LPP: variants seen among roughly 807,000 people sequenced by gnomAD.
LPP encodes lipoma-preferred partner.
Under a neutral mutation model 60.4 loss-of-function variants are expected in LPP, and 38 were observed. The observed-to-expected ratio is 0.63, with a 90% confidence interval of 0.49 to 0.83. The LOEUF is 0.83. Ranked by LOEUF, LPP falls within the 40% of genes least tolerant of loss-of-function variation. The pLI is 0.00. For synonymous variants in LPP, 328 were observed against 290.8 expected (o/e 1.13, Z -1.30); for missense variants, 902 against 783.6 (o/e 1.15, Z -1.80).
At chr3:188,261,274 A>G (rs1325679125) in intron 2 of LPP, among the ~76,000 whole-genome samples, 3 of 152,062 alleles carry the variant, frequency 2.0e-5, no homozygotes, top group Non-Finnish European at 4.4e-5. Context: ...TCAGCCTTCT[A>G]AGTAGCTGGG....
intron 7 of LPP, among the ~76,000 whole-genome samples, chr3:188,670,441 GTC>G (rs1020873586): frequency 1.1e-4 from 16 of 151,032 alleles, no homozygotes; most frequent in African/African-American, 3.7e-4. Context: ...AAGAACCCAG[GTC>G]TCTCTCTTTT....
Position 188,605,714 on chromosome 3 carries a change from T to C in LPP, c.430-3447T>C, listed in dbSNP as rs1842259132. Among the ~76,000 whole-genome samples, 5 of 152,272 alleles carry C rather than the reference T, an allele frequency of 3.3e-5. No individual in the cohort carries two copies. In the South Asian group the frequency reaches 1.0e-3, roughly 32 times the overall value. On this transcript the variant is annotated intron_variant, in intron 6 of 11. Coordinates refer to ENST00000617246, the MANE Select transcript of LPP (RefSeq NM_001375462.1). Reference sequence around the variant, plus strand: ...CTATTGAGCAATATATTGGGTATTGTCATTAGTAACAATTTCACAGAAAGA... The same window carrying C: ...CTATTGAGCAATATATTGGGTATTGCCATTAGTAACAATTTCACAGAAAGA...
At chr3:188,758,016 T>C (rs1412046089) in intron 8 of LPP, among the ~76,000 whole-genome samples, 2 of 151,896 alleles carry the variant, frequency 1.3e-5, no homozygotes, top group Non-Finnish European at 2.9e-5. Flanking sequence ...CAGTCTTGGA[T>C]AAAAACTTTT....
chr3:188,567,391 T>C lies in LPP; in HGVS notation c.430-41770T>C, dbSNP rs143889740. Among the ~76,000 whole-genome samples the C allele has an allele frequency of 2.5e-4, 38 of 152,092 alleles. No individual in the cohort carries two copies. In the East Asian group the frequency reaches 7.4e-3, roughly 30 times the overall value. On this transcript the variant is annotated intron_variant, in intron 6 of 11. Coordinates refer to ENST00000617246, the MANE Select transcript of LPP (RefSeq NM_001375462.1). Reference sequence around the variant, plus strand: ...CCTATAAAATATCTTTCTCACAGTTTAATTTCTTGAAAATTGAAACACATC... The same window carrying C: ...CCTATAAAATATCTTTCTCACAGTTCAATTTCTTGAAAATTGAAACACATC...
At chr3:188,237,354 CTGATATTTTGACCTTCTCTTA>C (rs1339924006) in intron 2 of LPP, among the ~76,000 whole-genome samples, 1 of 152,180 alleles carries the variant, frequency 6.6e-6, no homozygotes, top group African/African-American at 2.4e-5. Flanking sequence ...CCTGTTAATG[CTGATATTTTGACCTTCTCTTA>C]TGAATCACAA....
At chr3:188,698,664 G>T (rs1234024498) in intron 7 of LPP, among the ~76,000 whole-genome samples, 1 of 152,162 alleles carries the variant, frequency 6.6e-6, no homozygotes, top group Non-Finnish European at 1.5e-5. Flanking sequence ...TGCCTACCCG[G>T]CAGGATAACA....
At chr3:188,299,756 CA>C (rs1749132869) in intron 2 of LPP, among the ~76,000 whole-genome samples, 1 of 152,076 alleles carries the variant, frequency 6.6e-6, no homozygotes, top group Admixed American at 6.6e-5. Flanking sequence ...CAAACTAAGA[CA>C]AAACTCCTTT....
intron 3 of LPP, among the ~76,000 whole-genome samples, chr3:188,385,141 A>T (rs1018646521): frequency 1.3e-5 from 2 of 151,936 alleles, no homozygotes; most frequent in Non-Finnish European, 2.9e-5. Context: ...GTTTCTTTCT[A>T]TCTGTCCACC....
chr3:188,407,572 C>G (rs1349580659), intron 4 of LPP, among the ~76,000 whole-genome samples: 3 of 152,146 alleles, frequency 2.0e-5, no homozygotes, highest in African/African-American at 7.2e-5. Flanking sequence ...TGGTGCTGTA[C>G]TAATCTCTGT....
chr3:188,719,971 G>A (rs1003160112), intron 8 of LPP, among the ~76,000 whole-genome samples: 2 of 152,174 alleles, frequency 1.3e-5, no homozygotes, highest in Admixed American at 1.3e-4. Context: ...GGAATGCAGT[G>A]GCGTGATCTT....
intron 1 of LPP, among the ~76,000 whole-genome samples, chr3:188,174,961 T>G (rs1235122219): frequency 2.6e-5 from 4 of 152,204 alleles, no homozygotes; most frequent in Admixed American, 2.6e-4. Flanking sequence ...ATTTTGGGCT[T>G]TTACTTCTTT....
intron 9 of LPP, among the ~76,000 whole-genome samples, chr3:188,761,492 G>A (rs559513130): frequency 6.6e-6 from 1 of 152,268 alleles, no homozygotes; most frequent in South Asian, 2.1e-4. Flanking sequence ...AACACATGTA[G>A]AGCCATACAG....
intron 2 of LPP, among the ~76,000 whole-genome samples, chr3:188,318,753 C>CTTTTTTTTTTTTT (rs10708836): frequency 7.2e-5 from 7 of 96,838 alleles, no homozygotes; most frequent in African/African-American, 2.4e-4. Flanking sequence ...AATTATGATT[C>CTTTTTTTTTTTTT]TTTTTTTTTT....
At chr3:188,761,823 T>C (rs1462008004) in intron 9 of LPP, among the ~76,000 whole-genome samples, 1 of 152,212 alleles carries the variant, frequency 6.6e-6, no homozygotes, top group Non-Finnish European at 1.5e-5. Context: ...TTGAAATCTT[T>C]ATTGAAAAAA....
chr3:188,496,300 AT>A (rs371118699), intron 5 of LPP, among the ~76,000 whole-genome samples: 1 of 151,234 alleles, frequency 6.6e-6, no homozygotes, highest in South Asian at 2.1e-4. Context: ...TAATTTTTGT[AT>A]TTTTTTTAGT....
intron 7 of LPP, among the ~76,000 whole-genome samples, chr3:188,666,633 G>A (rs1855856873): frequency 6.6e-6 from 1 of 152,188 alleles, no homozygotes; most frequent in Non-Finnish European, 1.5e-5. Flanking sequence ...GAAGGAAAGA[G>A]AAATGCTTGC....
At chr3:188,162,101 T>A (rs1239593344) in intron 1 of LPP, among the ~76,000 whole-genome samples, 1 of 152,236 alleles carries the variant, frequency 6.6e-6, no homozygotes, top group Non-Finnish European at 1.5e-5. Context: ...TCTTCCCTAT[T>A]GAACCTGCCC....
intron 7 of LPP, among the ~76,000 whole-genome samples, chr3:188,624,672 C>CCCCT (rs1341263432): frequency 6.7e-5 from 10 of 150,310 alleles, no homozygotes; most frequent in Admixed American, 6.0e-4. Context: ...ATCCTTCCTT[C>CCCCT]CCCTCCCTCC....
intron 7 of LPP, among the ~76,000 whole-genome samples, chr3:188,626,359 A>G (rs758259046): frequency 1.3e-5 from 2 of 152,124 alleles, no homozygotes; most frequent in Non-Finnish European, 2.9e-5. Flanking sequence ...GTAAGAGGAT[A>G]TGTGTAGGTT....
Sources: allele counts gnomAD v4.1 joint callset (sites outside exome capture counted in the v4.1 genomes callset), GRCh38; gene constraint gnomAD v4.1.1; transcripts MANE v1.5; gene names NCBI Gene and HGNC (gene_info 2026-07-23, HGNC 2026-07-21).